The following CTDSPL variants were observed in gnomAD, a reference collection of about 807,000 sequenced individuals.
CTDSPL encodes CTD small phosphatase like.
Under a neutral mutation model 30.5 loss-of-function variants are expected in CTDSPL, and 8 were observed. The observed-to-expected ratio is 0.26, with a 90% CI of 0.15 to 0.47. The LOEUF (loss-of-function observed/expected upper bound fraction) is 0.47, where lower values mean the gene tolerates loss of function less well. CTDSPL is among the 20% of genes least tolerant of loss of function. The pLI, the probability that CTDSPL is intolerant of heterozygous loss-of-function variation, is 0.99. For missense variants in CTDSPL, 248 were observed against 366.1 expected, an observed-to-expected ratio of 0.68 and a Z score of 2.63; for synonymous variants, 110 against 137.9, an observed-to-expected ratio of 0.80 and a Z score of 1.42.
intron 1 of CTDSPL, among the ~76,000 whole-genome samples, chr3:37,930,106 CAAAAAAAAAGAAAA>C (rs373498066): frequency 0.085 from 8,741 of 103,326 alleles, 290 homozygotes; most frequent in African/African-American, 0.15. Flanking sequence ...GACTCCGTCT[CAAAAAAAAAGAAAA>C]AAAAAAAAAG....
chr3:37,952,022 AAG>A (rs1285478701), intron 2 of CTDSPL, among the ~76,000 whole-genome samples: 3 of 152,040 alleles, frequency 2.0e-5, no homozygotes, highest in African/African-American at 2.4e-5. Flanking sequence ...CAGTAAGTAA[AAG>A]AAAACTGCTG....
chr3:37,871,446 G>A (rs1698070442), intron 1 of CTDSPL, among the ~76,000 whole-genome samples: 1 of 152,194 alleles, frequency 6.6e-6, no homozygotes, highest in Non-Finnish European at 1.5e-5. Flanking sequence ...GTAGATTTAA[G>A]TTTTCAGCTC....
intron 2 of CTDSPL, 59 bp downstream of exon 2, chr3:37,947,270 C>A: frequency 6.4e-7 from 1 of 1,559,406 alleles, no homozygotes; most frequent in Non-Finnish European, 8.7e-7. Flanking sequence ...ATCTCTGTCC[C>A]ATCCTTGATG....
At chr3:37,965,656 T>A (rs1699291977) in intron 4 of CTDSPL, among the ~76,000 whole-genome samples, 1 of 152,182 alleles carries the variant, frequency 6.6e-6, no homozygotes, top group Non-Finnish European at 1.5e-5. Context: ...ACCATAGTCA[T>A]TCCTTACAAG....
At chr3:37,923,130 T>C (rs952654030) in intron 1 of CTDSPL, among the ~76,000 whole-genome samples, 4 of 152,298 alleles carry the variant, frequency 2.6e-5, no homozygotes, top group Non-Finnish European at 2.9e-5. Context: ...GTAATCAGAC[T>C]GTTGCAAAGG....
Position 37,984,031 on chromosome 3 carries a change from C to G in CTDSPL, c.*3164C>G. On this transcript the variant is annotated 3_prime_UTR_variant, in exon 8 of 8. Coordinates refer to ENST00000273179, the MANE Select transcript of CTDSPL (RefSeq NM_001008392.2). ...ACCCTGTATTTTTAAAGATGGCTTTCTAATAAAAAATCCAGAACCACACAG... is the reference window on the plus strand; with the variant it reads ...ACCCTGTATTTTTAAAGATGGCTTTGTAATAAAAAATCCAGAACCACACAG... The G allele has an allele frequency of 3.9e-6, 1 of 258,902 alleles. No individual in the cohort carries two copies. The highest frequency in any genetic ancestry group is 8.2e-6 in the Non-Finnish European group (1 of 122,402). The allele number at this position is 258,902 out of a possible 1,614,324, so 16.0% of individuals were successfully genotyped here.
chr3:37,882,970 G>A (rs1698224448), intron 1 of CTDSPL, among the ~76,000 whole-genome samples: 1 of 152,186 alleles, frequency 6.6e-6, no homozygotes, highest in Admixed American at 6.5e-5. Context: ...TAGTGCTCTA[G>A]CCACAAATGG....
chr3:37,960,494 A>AATAAAT lies in CTDSPL; in HGVS notation c.267+3352_267+3353insTAAATA, dbSNP rs1217716846. Among the ~76,000 whole-genome samples the AATAAAT allele has an allele frequency of 1.2e-3, 74 of 62,302 alleles. 1 individual carries two copies. Among genetic ancestry groups the AATAAAT allele is most frequent in the African/African-American group, 5.3e-3 (72 of 13,600 alleles). 40.9% of individuals were successfully genotyped at this position (62,302 alleles called of 152,430 possible). On this transcript the variant is annotated intron_variant, in intron 3 of 7. Transcript: ENST00000273179. ...AAACTCTGTCTCAAAAAAAAAAAAAAAAAAAAAAAAAATATATATATATAT... is the reference window on the plus strand; with the variant it reads ...AAACTCTGTCTCAAAAAAAAAAAAAAATAAATAAAAAAAAAAAATATATATATATAT...
rs1311736263 is a variant in CTDSPL, at chr3:37,944,411, A to G, written c.80-2646A>G. On this transcript the variant is annotated intron_variant, in intron 1 of 7. Coordinates refer to ENST00000273179, the MANE Select transcript of CTDSPL (RefSeq NM_001008392.2). ...AACTGAATTTTTATTTCATGTGTCA[A>G]CCAAAACTCTCTTACCAGTTTATGA... Among the ~76,000 whole-genome samples, 11 of 150,248 alleles carry G rather than the reference A, an allele frequency of 7.3e-5. 1 individual carries two copies. Among genetic ancestry groups the G allele is most frequent in the Non-Finnish European group, 1.5e-5 (1 of 67,072 alleles).
intron 1 of CTDSPL, among the ~76,000 whole-genome samples, chr3:37,895,876 C>CA (rs145445161): frequency 0.056 from 8,436 of 151,596 alleles, 291 homozygotes; most frequent in African/African-American, 0.099. Context: ...AATTTCACCT[C>CA]AAAAAAAACT....
intron 3 of CTDSPL, among the ~76,000 whole-genome samples, chr3:37,962,650 T>C (rs1699256232): frequency 6.6e-6 from 1 of 152,236 alleles, no homozygotes; most frequent in South Asian, 2.1e-4. Flanking sequence ...ATGCTAGGGT[T>C]AGAATTTCTA....
At position 37,889,129 on chromosome 3, in the gene CTDSPL, A is replaced by T. The variant is rs773595538; in HGVS notation, c.79+26851A>T. Among the ~76,000 whole-genome samples, 75 of 152,220 alleles carry T rather than the reference A, an allele frequency of 4.9e-4. 2 individuals are homozygous for T. The highest frequency in any genetic ancestry group is 1.8e-4 in the Non-Finnish European group (12 of 68,038). On this transcript the variant is annotated intron_variant, in intron 1 of 7. Transcript: ENST00000273179. ...CATGGGAGATCAGAATGTTAGCTTG[A>T]TGGCTGAGTAGCAGGCAGTAAGCAG...
chr3:37,922,529 G>A (rs1054400457), intron 1 of CTDSPL, among the ~76,000 whole-genome samples: 1 of 152,224 alleles, frequency 6.6e-6, no homozygotes, highest in Non-Finnish European at 1.5e-5. Context: ...TCCATGGGGA[G>A]ATTCTCCCTT....
At chr3:37,954,284 A>G (rs1699145161) in intron 2 of CTDSPL, 1 of 152,258 alleles carries the variant, frequency 6.6e-6, no homozygotes, top group Non-Finnish European at 1.5e-5. Flanking sequence ...ACATTTGTCA[A>G]GATGGCTTTT....
chr3:37,926,166 A>G (rs190069629), intron 1 of CTDSPL, among the ~76,000 whole-genome samples: 1,549 of 152,268 alleles, frequency 0.01, 10 homozygotes, highest in Non-Finnish European at 0.017. Context: ...GTCACAGAGG[A>G]GATGGCAGGC....
intron 2 of CTDSPL, among the ~76,000 whole-genome samples, chr3:37,955,795 C>T (rs766175695): frequency 2.0e-5 from 3 of 152,044 alleles, no homozygotes; most frequent in South Asian, 2.1e-4. Context: ...CCATGACATG[C>T]GATTTACCTA....
chr3:37,967,881 A>G lies in CTDSPL; in HGVS notation c.425A>G (p.Gln142Arg). The G allele has an allele frequency of 6.3e-7, 1 of 1,594,026 alleles. No individual in the cohort carries two copies. Among genetic ancestry groups the G allele is most frequent in the South Asian group, 1.2e-5 (1 of 85,968 alleles). Residue 142 changes from glutamine (Q) to arginine (R), a missense_variant and splice_region_variant, in exon 5 of 8, where the codon CAG (glutamine) becomes CGG (arginine). Around this residue, in one of 4 missense-constraint regions of CTDSPL, gnomAD observed 45 missense variants for 83.1 expected, o/e 0.54. Coordinates refer to ENST00000273179, the MANE Select transcript of CTDSPL (RefSeq NM_001008392.2). The part of the protein sequence containing the change: ...VPVEIDGTIH[Q>R]VYVLKRPHVD... Reference sequence around the variant, plus strand: ...GTTGAAATCGATGGAACTATACATCAGGTAAGAAACTGAAGCTAAATTTGA... The same window carrying G: ...GTTGAAATCGATGGAACTATACATCGGGTAAGAAACTGAAGCTAAATTTGA...
intron 1 of CTDSPL, among the ~76,000 whole-genome samples, chr3:37,945,875 A>C (rs763774102): frequency 1.3e-5 from 2 of 152,230 alleles, no homozygotes. Flanking sequence ...TGCTGCTGGC[A>C]GAAGAGCACC....
intron 3 of CTDSPL, among the ~76,000 whole-genome samples, chr3:37,964,078 T>G (rs1006732761): frequency 7.4e-6 from 1 of 134,914 alleles, no homozygotes; most frequent in African/African-American, 2.8e-5. Context: ...AATCTGTAGT[T>G]CCAACATAGC....
Sources: gnomAD v4.1 joint callset for allele counts (sites outside exome capture counted in the v4.1 genomes callset) on GRCh38, gnomAD v4.1.1 for gene constraint, gnomAD v4.1.1 regional missense constraint, MANE v1.5 for transcripts, NCBI Gene and HGNC (gene_info 2026-07-23, HGNC 2026-07-21) for gene names.